Variants in RANBP17 observed in about 807,000 individuals in gnomAD.
RANBP17 encodes the protein RAN binding protein 17.
In RANBP17, 158 loss-of-function variants were observed where a neutral mutation model predicts 141.2. The ratio of observed to expected loss-of-function variants is 1.12; its 90% CI spans 0.98 to 1.28. The LOEUF is 1.28. Ranked by LOEUF, RANBP17 falls within the 50% of genes most tolerant of loss-of-function variation. The probability of loss-of-function intolerance (pLI) is 0.00; values close to 1 mark genes in which losing one functional copy is unlikely to be tolerated. For synonymous variants in RANBP17, 430 were observed against 450.0 expected (o/e 0.96, Z 0.56); for missense variants, 1,438 against 1,290.7 (o/e 1.11, Z -1.75).
At chr5:170,990,187 A>G (rs979567455) in intron 14 of RANBP17, among the ~76,000 whole-genome samples, 23 of 151,822 alleles carry the variant, frequency 1.5e-4, no homozygotes, top group Admixed American at 3.9e-4. Flanking sequence ...TTATTCTCCA[A>G]TTATACTATA....
At chr5:171,094,582 G>C (rs996637984) in intron 14 of RANBP17, among the ~76,000 whole-genome samples, 1 of 152,060 alleles carries the variant, frequency 6.6e-6, no homozygotes, top group Non-Finnish European at 1.5e-5. Flanking sequence ...AACAATAGAA[G>C]CTCTCTATGC....
intron 22 of RANBP17, among the ~76,000 whole-genome samples, chr5:171,234,466 C>A (rs539293485): frequency 6.6e-6 from 1 of 152,104 alleles, no homozygotes; most frequent in Non-Finnish European, 1.5e-5. Flanking sequence ...AAATTACTCA[C>A]GCTGCTATAT....
intron 14 of RANBP17, among the ~76,000 whole-genome samples, chr5:170,976,895 T>C (rs1050176497): frequency 8.5e-5 from 13 of 152,094 alleles, no homozygotes; most frequent in Admixed American, 1.3e-4. Context: ...GAGAAAAATA[T>C]AAAATGCTTA....
chr5:171,090,988 G>T (rs917681683), intron 14 of RANBP17, among the ~76,000 whole-genome samples: 11 of 152,180 alleles, frequency 7.2e-5, no homozygotes, highest in Admixed American at 3.9e-4. Context: ...AGGGAAATGT[G>T]GGGTCAGAGC....
At chr5:171,207,784 A>C (rs1425397190) in intron 20 of RANBP17, 1 of 152,218 alleles carries the variant, frequency 6.6e-6, no homozygotes, top group African/African-American at 2.4e-5. Flanking sequence ...GACAAGATTT[A>C]TAGTTTTCCT....
Position 171,101,307 on chromosome 5 carries a change from ATAGT to A in RANBP17, c.1711-68819_1711-68816del, listed in dbSNP as rs1787143818. 3.9e-5 allele frequency among the ~76,000 whole-genome samples: 6 copies of A among 152,262 alleles called. No individual in the cohort carries two copies. The South Asian group carries it at 1.2e-3, about 32-fold the overall frequency. On this transcript the variant is annotated intron_variant, in intron 14 of 27. Transcript: ENST00000523189. ...TGTATTGGGTGCATATATATTTAAG[ATAGT>A]TAGCTCTCCTTGTTGCATTGATGCC...
chr5:171,260,462 C>CAAA (rs531075409), intron 24 of RANBP17, among the ~76,000 whole-genome samples: 2 of 51,432 alleles, frequency 3.9e-5, no homozygotes, highest in South Asian at 1.3e-3. Context: ...GACTCCGTCT[C>CAAA]AAAAAAAAAA....
intron 14 of RANBP17, among the ~76,000 whole-genome samples, chr5:170,970,162 G>GT (rs1461765932): frequency 6.6e-6 from 1 of 151,436 alleles, no homozygotes; most frequent in African/African-American, 2.4e-5. Context: ...AAGACATTTC[G>GT]TAAGTACTAT....
chr5:171,285,363 G>C (rs551057154), intron 25 of RANBP17, among the ~76,000 whole-genome samples: 112 of 152,310 alleles, frequency 7.4e-4, no homozygotes, highest in South Asian at 1.4e-3. Flanking sequence ...TAGTCATTCA[G>C]GAAGTACCAT....
At chr5:171,216,607 C>T (rs986696540) in intron 21 of RANBP17, among the ~76,000 whole-genome samples, 8 of 152,110 alleles carry the variant, frequency 5.3e-5, no homozygotes, top group African/African-American at 1.4e-4. Context: ...TTGTAGTTCT[C>T]CTTAAAGAGG....
intron 14 of RANBP17, among the ~76,000 whole-genome samples, chr5:171,137,550 G>A (rs930070851): frequency 1.4e-5 from 2 of 145,570 alleles, no homozygotes; most frequent in Admixed American, 6.9e-5. Flanking sequence ...TTAGCACTAG[G>A]AAATGCTTCT....
chr5:170,890,180 G>A (rs1769481277), intron 3 of RANBP17, among the ~76,000 whole-genome samples: 1 of 152,078 alleles, frequency 6.6e-6, no homozygotes, highest in African/African-American at 2.4e-5. Context: ...GGGTTTGCCT[G>A]TATCCACTGC....
chr5:171,054,221 T>G lies in RANBP17; in HGVS notation c.1710+85844T>G, dbSNP rs149752433. Among the ~76,000 whole-genome samples the G allele has an allele frequency of 5.1e-4, 78 of 152,256 alleles. 2 individuals are homozygous for G. In the East Asian group the frequency reaches 0.011, roughly 21 times the overall value. On this transcript the variant is annotated intron_variant, in intron 14 of 27. Coordinates refer to ENST00000523189, the MANE Select transcript of RANBP17 (RefSeq NM_022897.5). Reference sequence around the variant, plus strand: ...TTTCGGGGGTTTTTTGTTCACTTGTTCATTTTTAAAGTGAAAGCAAGTTTA... The same window carrying G: ...TTTCGGGGGTTTTTTGTTCACTTGTGCATTTTTAAAGTGAAAGCAAGTTTA...
chr5:171,132,277 G>A lies in RANBP17; in HGVS notation c.1711-37853G>A, dbSNP rs868028890. On this transcript the variant is annotated intron_variant, in intron 14 of 27. Coordinates refer to ENST00000523189, the MANE Select transcript of RANBP17 (RefSeq NM_022897.5). ...GGAAGGAAGGAGGGAAGGAAGGAAA[G>A]AAAGGAGAGAAAAGAAGGAAGGAGG... Among the ~76,000 whole-genome samples the A allele has an allele frequency of 4.3e-4, 65 of 151,990 alleles. No individual in the cohort carries two copies. In the Middle Eastern group the frequency reaches 0.021, roughly 48 times the overall value.
At chr5:170,910,501 C>T (rs1244718093) in intron 6 of RANBP17, 1 of 155,692 alleles carries the variant, frequency 6.4e-6, no homozygotes, top group Non-Finnish European at 1.4e-5. Flanking sequence ...AATAGTATAA[C>T]CAGTTAACCT....
rs1772749513 is a variant in RANBP17 at position 170,924,471 on chromosome 5, A to G, written c.1389A>G (p.Leu463=). Residue 463 remains leucine, a synonymous_variant, in exon 12 of 28, where the codon TTA becomes TTG. Coordinates refer to ENST00000523189, the MANE Select transcript of RANBP17 (RefSeq NM_022897.5). ...AGACATGTGCTCTTCTTGTGCAGTT[A>G]TTCGACCAAAATGCACAGAATTACC... The part of the protein sequence containing the change: ...YEKTCALLVQ[L]FDQNAQNYQK... The G allele has an allele frequency of 6.2e-7, 1 of 1,613,400 alleles. No individual in the cohort carries two copies. The highest frequency in any genetic ancestry group is 8.5e-7 in the Non-Finnish European group (1 of 1,179,504).
chr5:170,903,356 G>A (rs568142788), intron 5 of RANBP17, among the ~76,000 whole-genome samples: 1 of 152,304 alleles, frequency 6.6e-6, no homozygotes, highest in East Asian at 1.9e-4. Context: ...AGCATCCAAG[G>A]TTGACTTCAG....
chr5:171,063,457 A>G (rs1784060591), intron 14 of RANBP17, among the ~76,000 whole-genome samples: 1 of 152,236 alleles, frequency 6.6e-6, no homozygotes, highest in Non-Finnish European at 1.5e-5. Flanking sequence ...TATCAGCAGC[A>G]GTGGCTGCAG....
intron 16 of RANBP17, among the ~76,000 whole-genome samples, chr5:171,175,658 A>C (rs546025406): frequency 6.6e-6 from 1 of 152,196 alleles, no homozygotes; most frequent in African/African-American, 2.4e-5. Context: ...ACATTTATCT[A>C]GCCAACAAAC....
Sources: allele counts gnomAD v4.1 joint callset (sites outside exome capture counted in the v4.1 genomes callset), GRCh38; gene constraint gnomAD v4.1.1; transcripts MANE v1.5; gene names NCBI Gene and HGNC (gene_info 2026-07-23, HGNC 2026-07-21).